PIGG: variants seen among roughly 807,000 people sequenced by gnomAD.
PIGG encodes phosphatidylinositol glycan anchor biosynthesis class G (EMM blood group), also known as GPI ethanolamine phosphate transferase 2, catalytic subunit.
PIGG carries 70 observed loss-of-function variants against 83.2 expected under a neutral mutation model. The observed-to-expected ratio is 0.84, with a 90% CI of 0.69 to 1.03. PIGG has a LOEUF of 1.03. Ranked by LOEUF, PIGG falls within the 50% of genes least tolerant of loss-of-function variation. The pLI is 0.00. For missense variants in PIGG, 1,257 were observed against 1,233.6 expected, an observed-to-expected ratio of 1.02 and a Z score of -0.28; for synonymous variants, 532 against 519.5, an observed-to-expected ratio of 1.02 and a Z score of -0.33.
intron 2 of PIGG, among the ~76,000 whole-genome samples, chr4:502,923 T>C (rs1392776400): frequency 6.6e-6 from 1 of 151,368 alleles, no homozygotes; most frequent in African/African-American, 2.4e-5. Flanking sequence ...CCATGATGTA[T>C]AAAGAGGTTC....
chr4:518,421 A>G lies in PIGG; in HGVS notation c.1114+2236A>G, dbSNP rs371517042. ...GTCCTGGCTAACACAGTGAAACCCC[A>G]TCTCTACTAAAAATACAAAAAATTA... On this transcript the variant is annotated intron_variant, in intron 6 of 12. Coordinates refer to ENST00000453061, the MANE Select transcript of PIGG (RefSeq NM_001127178.3). Among the ~76,000 whole-genome samples the G allele has an allele frequency of 1.6e-4, 25 of 152,098 alleles. No homozygotes were observed. The South Asian group carries it at 1.9e-3, about 11-fold the overall frequency.
intron 10 of PIGG, among the ~76,000 whole-genome samples, chr4:529,011 T>C (rs1728383042): frequency 6.6e-6 from 1 of 152,138 alleles, no homozygotes; most frequent in African/African-American, 2.4e-5. Context: ...ACTGAGAGTC[T>C]GAAATCCTTT....
rs1283867914 is a variant in PIGG at position 522,799 on chromosome 4, A to G, written c.1615-660A>G. 3.9e-5 allele frequency: 6 copies of G among 153,552 alleles called. No individual in the cohort carries two copies. The East Asian group carries it at 9.6e-4, about 25-fold the overall frequency. The allele number at this position is 153,552 out of a possible 1,614,324, so 9.5% of individuals were successfully genotyped here. ...ATTGAATTAGTACCTAGCTGCACGC[A>G]GTATGTAGTTACCAAAAGAATAAAC... On this transcript the variant is annotated intron_variant, in intron 8 of 12. Coordinates refer to ENST00000453061, the MANE Select transcript of PIGG (RefSeq NM_001127178.3).
chr4:515,972 G>T lies in PIGG; in HGVS notation c.902-1G>T. 3 of 1,612,154 alleles carry T rather than the reference G, an allele frequency of 1.9e-6. No homozygotes were observed. In the East Asian group the frequency reaches 6.7e-5, roughly 36 times the overall value. On this transcript the variant is annotated splice_acceptor_variant, in intron 5 of 12. Coordinates refer to ENST00000453061, the MANE Select transcript of PIGG (RefSeq NM_001127178.3). LOFTEE classifies it high-confidence loss of function. This position sits in a 1 kb window ranked among gnomAD's most constrained non-coding sequence, Gnocchi z 4.2. ...TACTTAAAATGTTTTCTTTCTTCTA[G>T]GTGATATCCGACATCCAAAGCACGT...
Position 523,902 on chromosome 4 carries a change from C to G in PIGG, c.2058C>G (p.His686Gln), listed in dbSNP as rs1053674987. Residue 686 changes from histidine (H) to glutamine (Q), a missense_variant, in exon 9 of 13, where the codon CAC becomes CAG. His to Gln is a conservative substitution (Grantham distance 24). Transcript: ENST00000453061. ...VQWAHRPDLG[H>Q]WLTSSDHKAE... is the part of the protein sequence containing the mutation. ...GGGCTCACCGGCCTGACCTCGGCCA[C>G]TGGCTCACCAGGTGAGAGCGTAGGC... is the stretch of plus-strand genomic sequence containing the variant. 3 of 1,527,440 alleles carry G rather than the reference C, an allele frequency of 2.0e-6. No individual in the cohort carries two copies. The African/African-American group carries it at 4.1e-5, about 21-fold the overall frequency. The allele number at this position is 1,527,440 out of a possible 1,614,324, so 94.6% of individuals were successfully genotyped here. A position where few individuals can be genotyped will look rare whatever the true frequency, so the allele number is the denominator to read the frequency against.
intron 2 of PIGG, among the ~76,000 whole-genome samples, chr4:505,067 T>C (rs1719117565): frequency 6.6e-6 from 1 of 152,190 alleles, no homozygotes; most frequent in South Asian, 2.1e-4. Context: ...ATTTGAATCT[T>C]AATTGGGACC....
chr4:527,337 C>T, intron 10 of PIGG, 107 bp downstream of exon 10: 1 of 1,431,572 alleles, frequency 7.0e-7, no homozygotes, highest in South Asian at 1.5e-5. Context: ...CTGAGAAGAC[C>T]AAGCCAGTCT....
At position 523,538 on chromosome 4, in the gene PIGG, T is replaced by C. The variant is rs1177288487; in HGVS notation, c.1694T>C (p.Leu565Pro). The change falls in exon 9 of 13, where the codon CTG becomes CCG. Residue 565 changes from leucine to proline, a missense_variant. Physicochemically the swap from Leu to Pro is moderately conservative, Grantham distance 98. Transcript: ENST00000453061. ...LLGTAGHVLS[L>P]GASSFVEEEH... Reference sequence around the variant, plus strand: ...GGGACGGCGGGCCACGTCTTGAGCCTGGGCGCCAGCAGCTTCGTGGAGGAG... The same window carrying C: ...GGGACGGCGGGCCACGTCTTGAGCCCGGGCGCCAGCAGCTTCGTGGAGGAG... 1 of 1,614,222 alleles carries C rather than the reference T, an allele frequency of 6.2e-7. No individual in the cohort carries two copies.
chr4:503,485 A>C (rs1718493891), intron 2 of PIGG, among the ~76,000 whole-genome samples: 2 of 151,852 alleles, frequency 1.3e-5, no homozygotes, highest in African/African-American at 4.8e-5. Context: ...CACGCAGCTC[A>C]TTTCCTCCCG....
At chr4:529,121 G>A (rs773575830) in intron 10 of PIGG, among the ~76,000 whole-genome samples, 3 of 152,130 alleles carry the variant, frequency 2.0e-5, no homozygotes, top group Non-Finnish European at 4.4e-5. Context: ...GACTCTGCCC[G>A]GCCAGGGGAG....
intron 9 of PIGG, 121 bp downstream of exon 9, chr4:524,034 T>G (rs1726870865): frequency 1.5e-6 from 1 of 645,722 alleles, no homozygotes; most frequent in Non-Finnish European, 2.6e-6. Flanking sequence ...GTATTTGAGA[T>G]CTGAAGAATT....
chr4:516,134 A>G lies in PIGG; in HGVS notation c.1063A>G (p.Thr355Ala). The change falls in exon 6 of 13, where the codon ACA (threonine) becomes GCA (alanine). Residue 355 changes from threonine (T) to alanine (A), a missense_variant. Physicochemically the swap from Thr to Ala is moderately conservative, Grantham distance 58. Coordinates refer to ENST00000453061, the MANE Select transcript of PIGG (RefSeq NM_001127178.3). ...REQLRFLHLNTVQLSKLLQEN... is the reference protein window; with the variant it reads ...REQLRFLHLNAVQLSKLLQEN... ...GCAGTTGAGATTTTTACATTTGAAT[A>G]CAGTGCAGCTTAGTAAACTGTTGCA... 2 of 1,614,146 alleles carry G rather than the reference A, an allele frequency of 1.2e-6. No homozygotes were observed. The highest frequency in any genetic ancestry group is 1.1e-5 in the South Asian group (1 of 91,086).
chr4:533,630 T>C lies in PIGG; in HGVS notation c.2572-188T>C, dbSNP rs11938226. 93,854 of 605,206 alleles carry C rather than the reference T, an allele frequency of 0.16. 8,685 individuals are homozygous for C. Among genetic ancestry groups the C allele is most frequent in the African/African-American group, 0.32 (17,394 of 54,042 alleles). The allele number at this position is 605,206 out of a possible 1,614,324, so 37.5% of individuals were successfully genotyped here. A position where few individuals can be genotyped will look rare whatever the true frequency, so the allele number is the denominator to read the frequency against. On this transcript the variant is annotated intron_variant, in intron 11 of 12. Transcript: ENST00000453061. ...GCAGGCAGGGGGAGGGGGTGCCACCTAGGCAAGGCCAGCTCGGCAGTCTGA... is the reference window on the plus strand; with the variant it reads ...GCAGGCAGGGGGAGGGGGTGCCACCCAGGCAAGGCCAGCTCGGCAGTCTGA...
chr4:523,657 C>T lies in PIGG; in HGVS notation c.1813C>T (p.Pro605Ser). ...RNYFLGDDGE[P>S]PCGLCVEQGH... ...CTACTTTCTGGGAGATGACGGTGAGCCTCCGTGTGGCCTCTGTGTGGAACA... is the reference window on the plus strand; with the variant it reads ...CTACTTTCTGGGAGATGACGGTGAGTCTCCGTGTGGCCTCTGTGTGGAACA... Residue 605 changes from proline to serine, a missense_variant, in exon 9 of 13, where the codon CCT (proline) becomes TCT (serine). Physicochemically the swap from Pro to Ser is moderately conservative, Grantham distance 74. Transcript: ENST00000453061. The T allele has an allele frequency of 6.2e-7, 1 of 1,614,174 alleles. No individual in the cohort carries two copies. Among genetic ancestry groups the T allele is most frequent in the East Asian group, 2.2e-5 (1 of 44,876 alleles).
rs1725738658 is a variant in PIGG at position 521,152 on chromosome 4, T to C, written c.1211T>C (p.Leu404Pro). 6.2e-7 allele frequency: 1 copy of C among 1,614,126 alleles called. No individual in the cohort carries two copies. Among genetic ancestry groups the C allele is most frequent in the Admixed American group, 1.7e-5 (1 of 60,026 alleles). ...EEKHSEVLFN[L>P]GSKVLRQYLD... ...AAGCATTCAGAAGTCCTATTCAACC[T>C]GGGCTCCAAGGTTCTCAGGCAGTAC... The change falls in exon 7 of 13, where the codon CTG (leucine) becomes CCG (proline). Residue 404 changes from leucine (L) to proline (P), a missense_variant. By Grantham distance (98) the Leu-to-Pro change is moderately conservative. Transcript: ENST00000453061.
At chr4:510,403 C>T (rs983817745) in intron 5 of PIGG, among the ~76,000 whole-genome samples, 13 of 152,330 alleles carry the variant, frequency 8.5e-5, no homozygotes, top group Non-Finnish European at 1.6e-4. Context: ...CTGGGCGGGC[C>T]AGGTGTTCCT....
At chr4:499,583 G>A in intron 1 of PIGG, 94 bp downstream of exon 1, 2 of 1,449,690 alleles carry the variant, frequency 1.4e-6, no homozygotes, top group Non-Finnish European at 9.0e-7. Context: ...TCTTCTCGGC[G>A]CTCCCCGGTG....
At chr4:525,083 G>A in intron 9 of PIGG, 3 of 556,702 alleles carry the variant, frequency 5.4e-6, no homozygotes, top group Non-Finnish European at 6.8e-6. Flanking sequence ...GCCAGGCAAG[G>A]CAGGCGCAGC....
At chr4:532,874 G>T (rs1285493703) in intron 11 of PIGG, 1 of 152,842 alleles carries the variant, frequency 6.5e-6, no homozygotes. Context: ...TGGAGCGTGG[G>T]GAGGCGGGGC....
Sources: gnomAD v4.1 joint callset for allele counts (sites outside exome capture counted in the v4.1 genomes callset) on GRCh38, gnomAD v4.1.1 for gene constraint, Gnocchi (gnomAD v3.1) non-coding constraint, MANE v1.5 for transcripts, NCBI Gene and HGNC (gene_info 2026-07-23, HGNC 2026-07-21) for gene names.